The following LRRC63 variants were observed in gnomAD, a reference collection of about 807,000 sequenced individuals.
The protein encoded by LRRC63 is leucine rich repeat containing 63.
Under a neutral mutation model 49.5 loss-of-function variants are expected in LRRC63, and 40 were observed. That is an observed-to-expected ratio of 0.81 (90% CI 0.63 to 1.05). LRRC63 has a LOEUF of 1.05. Ranked by LOEUF, LRRC63 falls within the 50% of genes least tolerant of loss-of-function variation. The probability of loss-of-function intolerance (pLI) is 0.00; values close to 1 mark genes in which losing one functional copy is unlikely to be tolerated. For synonymous variants in LRRC63, 191 were observed against 221.1 expected (o/e 0.86, Z 1.21); for missense variants, 636 against 663.1 (o/e 0.96, Z 0.45).
intron 9 of LRRC63, among the ~76,000 whole-genome samples, chr13:46,272,550 G>T (rs2047774474): frequency 6.6e-6 from 1 of 152,074 alleles, no homozygotes; most frequent in African/African-American, 2.4e-5. Flanking sequence ...ACTATAAATT[G>T]GTGAAAGCTT....
In LRRC63 at chr13:46,227,781, C is replaced by T. The variant is rs996575928; in HGVS notation, c.355C>T (p.Arg119Ter). The change falls in exon 3 of 10, where the codon CGA (arginine) becomes TGA (stop). Residue 119 changes from arginine (R) to a stop codon, truncating the protein, a stop_gained. Transcript: ENST00000595396. LOFTEE classifies it high-confidence loss of function. Reference sequence around the variant, plus strand: ...TCCACATTGTAATTCAGCTTCTACTCGAATTTTTGGGAAACAAACAAACAA... The same window carrying T: ...TCCACATTGTAATTCAGCTTCTACTTGAATTTTTGGGAAACAAACAAACAA... 9 of 1,550,122 alleles carry T rather than the reference C, an allele frequency of 5.8e-6. No individual in the cohort carries two copies. Among genetic ancestry groups the T allele is most frequent in the South Asian group, 1.2e-5 (1 of 83,956 alleles).
At chr13:46,227,049 T>C (rs1426225177) in intron 2 of LRRC63, among the ~76,000 whole-genome samples, 1 of 152,230 alleles carries the variant, frequency 6.6e-6, no homozygotes, top group Non-Finnish European at 1.5e-5. Flanking sequence ...ATTGTTATCA[T>C]CTTCAAAAGA....
intron 8 of LRRC63, among the ~76,000 whole-genome samples, chr13:46,264,627 CT>C (rs2047658566): frequency 1.8e-5 from 2 of 110,470 alleles, no homozygotes; most frequent in African/African-American, 7.1e-5. Flanking sequence ...CCCCACCCCC[CT>C]CCCCAACTTT....
At chr13:46,250,987 T>A (rs893867328) in intron 7 of LRRC63, among the ~76,000 whole-genome samples, 4 of 151,912 alleles carry the variant, frequency 2.6e-5, no homozygotes, top group Non-Finnish European at 4.4e-5. Context: ...ATGCTGATAT[T>A]TGGACATAAA....
intron 5 of LRRC63, among the ~76,000 whole-genome samples, chr13:46,244,003 TA>T (rs1160179417): frequency 6.6e-6 from 1 of 151,514 alleles, no homozygotes; most frequent in East Asian, 1.9e-4. Context: ...ACCTGAGGAG[TA>T]CAAAAAAAAA....
At position 46,270,742 on chromosome 13, in the gene LRRC63, C is replaced by T. The variant is rs1370996776; in HGVS notation, c.1550+3770C>T. 1.7e-4 allele frequency: 85 copies of T among 513,436 alleles called. 1 individual carries two copies. Among genetic ancestry groups the T allele is most frequent in the Admixed American group, 7.4e-4 (25 of 33,904 alleles). The allele number at this position is 513,436 out of a possible 1,614,324, so 31.8% of individuals were successfully genotyped here. ...ACTTCACAGCCATAGGCCGAGGAGGCCTGGTGCTTCACTTACCTTCGTTTC... is the reference window on the plus strand; with the variant it reads ...ACTTCACAGCCATAGGCCGAGGAGGTCTGGTGCTTCACTTACCTTCGTTTC... On this transcript the variant is annotated intron_variant, in intron 9 of 9. Coordinates refer to ENST00000595396, the Ensembl canonical transcript of LRRC63.
At chr13:46,212,790 C>T (rs1348212476) in intron 1 of LRRC63, among the ~76,000 whole-genome samples, 4 of 152,100 alleles carry the variant, frequency 2.6e-5, no homozygotes, top group Admixed American at 1.3e-4. Flanking sequence ...TCTATGTTTA[C>T]TTATAACCCT....
intron 4 of LRRC63, among the ~76,000 whole-genome samples, chr13:46,233,941 C>A (rs2138435681): frequency 6.6e-6 from 1 of 152,282 alleles, no homozygotes; most frequent in Non-Finnish European, 1.5e-5. Flanking sequence ...AGACAGAAAT[C>A]TATGAGCATA....
At chr13:46,258,739 T>C (rs1000021184) in intron 7 of LRRC63, among the ~76,000 whole-genome samples, 1 of 147,840 alleles carries the variant, frequency 6.8e-6, no homozygotes, top group East Asian at 2.0e-4. Context: ...ACCAGGGGAG[T>C]TGCAGGTTGC....
intron 8 of LRRC63, among the ~76,000 whole-genome samples, chr13:46,263,908 T>A (rs1429715093): frequency 6.6e-6 from 1 of 152,236 alleles, no homozygotes; most frequent in African/African-American, 2.4e-5. Context: ...CTCTTTTGAT[T>A]CATTGGCTGT....
intron 8 of LRRC63, 72 bp from the exon 9 acceptor site, chr13:46,266,661 T>C: frequency 7.7e-7 from 1 of 1,303,498 alleles, no homozygotes; most frequent in Non-Finnish European, 1.0e-6. Flanking sequence ...TCATGAACAA[T>C]TGAGGCAGAA....
At chr13:46,255,645 A>AAAAAAAAAAAAAAAAAAAT (rs1555328641) in intron 7 of LRRC63, among the ~76,000 whole-genome samples, 3 of 129,456 alleles carry the variant, frequency 2.3e-5, no homozygotes, top group African/African-American at 8.7e-5. Context: ...CCCTGCCTCA[A>AAAAAAAAAAAAAAAAAAAT]ATATATATAT....
intron 7 of LRRC63, among the ~76,000 whole-genome samples, chr13:46,258,666 G>C (rs1050791407): frequency 1.3e-5 from 2 of 150,772 alleles, no homozygotes; most frequent in Non-Finnish European, 3.0e-5. Context: ...AAATTAGCTG[G>C]GCATGGTGGC....
At chr13:46,242,910 G>A (rs923032650) in intron 5 of LRRC63, among the ~76,000 whole-genome samples, 2 of 152,068 alleles carry the variant, frequency 1.3e-5, no homozygotes, top group Non-Finnish European at 1.5e-5. Flanking sequence ...AATGCTACAG[G>A]GAGTCCTTCC....
At chr13:46,253,955 G>T (rs766495199) in intron 7 of LRRC63, among the ~76,000 whole-genome samples, 16 of 152,246 alleles carry the variant, frequency 1.1e-4, no homozygotes, top group Middle Eastern at 6.8e-3. Flanking sequence ...AGAAACATCT[G>T]TGTTTCAAAT....
intron 7 of LRRC63, 29 bp downstream of exon 7, chr13:46,250,520 A>G: frequency 6.9e-7 from 1 of 1,447,298 alleles, no homozygotes; most frequent in Non-Finnish European, 9.2e-7. Flanking sequence ...GATTATAAAC[A>G]CAGAAAATAA....
chr13:46,233,943 A>G (rs773616749), intron 4 of LRRC63, among the ~76,000 whole-genome samples: 25 of 152,244 alleles, frequency 1.6e-4, no homozygotes, highest in Non-Finnish European at 3.1e-4. Flanking sequence ...ACAGAAATCT[A>G]TGAGCATATG....
chr13:46,250,522 A>G (rs2047349580), intron 7 of LRRC63, 31 bp downstream of exon 7: 1 of 1,444,174 alleles, frequency 6.9e-7, no homozygotes, highest in Non-Finnish European at 9.2e-7. Context: ...TTATAAACAC[A>G]GAAAATAATT....
At chr13:46,267,139 A>G (rs1397808724) in intron 9 of LRRC63, among the ~76,000 whole-genome samples, 167 bp downstream of exon 9, 5 of 152,220 alleles carry the variant, frequency 3.3e-5, no homozygotes, top group African/African-American at 9.6e-5. Flanking sequence ...CTTCAGGTAT[A>G]ATAATGTAGT....
Sources: gnomAD v4.1 joint callset for allele counts (sites outside exome capture counted in the v4.1 genomes callset) on GRCh38, gnomAD v4.1.1 for gene constraint, MANE v1.5 for transcripts, NCBI Gene and HGNC (gene_info 2026-07-23, HGNC 2026-07-21) for gene names.